Variants in BTRC observed in about 807,000 individuals in gnomAD.
BTRC encodes F-box/WD repeat-containing protein 1A.
BTRC carries 42 observed loss-of-function variants against 85.5 expected under a neutral mutation model. That is an observed-to-expected ratio of 0.49 (90% CI 0.38 to 0.64). The LOEUF is 0.64. Among genes scored for constraint, BTRC ranks in the 30% least tolerant of loss-of-function variants. The pLI, the probability that BTRC is intolerant of heterozygous loss-of-function variation, is 0.00. For missense variants in BTRC, 594 were observed against 743.5 expected (o/e 0.80, Z 2.34); for synonymous variants, 255 against 263.3 (o/e 0.97, Z 0.30).
At chr10:101,493,530 T>C (rs1331990494) in intron 4 of BTRC, among the ~76,000 whole-genome samples, 1 of 152,232 alleles carries the variant, frequency 6.6e-6, no homozygotes. Context: ...ACATAGAAAT[T>C]AGGGTAGATG....
intron 1 of BTRC, among the ~76,000 whole-genome samples, chr10:101,366,909 A>AAT (rs1942431886): frequency 5.2e-5 from 1 of 19,296 alleles, no homozygotes; most frequent in Non-Finnish European, 1.0e-4. Context: ...TATATATATT[A>AAT]ATATATATTT....
intron 2 of BTRC, among the ~76,000 whole-genome samples, chr10:101,441,712 A>G (rs934590459): frequency 1.3e-5 from 2 of 151,930 alleles, no homozygotes; most frequent in Non-Finnish European, 2.9e-5. Context: ...AAACCCAGTC[A>G]CTACTAAAAA....
At chr10:101,379,692 C>G (rs1200257590) in intron 1 of BTRC, among the ~76,000 whole-genome samples, 2 of 151,946 alleles carry the variant, frequency 1.3e-5, no homozygotes, top group Non-Finnish European at 2.9e-5. Context: ...TTTTTATGGC[C>G]TGTTACAGTC....
chr10:101,513,980 G>A (rs1228039064), intron 4 of BTRC, among the ~76,000 whole-genome samples: 2 of 152,190 alleles, frequency 1.3e-5, no homozygotes, highest in Non-Finnish European at 2.9e-5. Flanking sequence ...TAATAAGTGT[G>A]TCATAATGTC....
At chr10:101,437,770 AT>A (rs1422783993) in intron 2 of BTRC, among the ~76,000 whole-genome samples, 5 of 152,128 alleles carry the variant, frequency 3.3e-5, no homozygotes, top group Non-Finnish European at 7.4e-5. Context: ...GTCATTTCAA[AT>A]TTTGCAGTTC....
rs138661751 is a variant in BTRC at position 101,393,891 on chromosome 10, A to G, written c.49-36454A>G. Among the ~76,000 whole-genome samples the G allele has an allele frequency of 2.2e-3, 330 of 152,286 alleles. 1 individual carries two copies. Among genetic ancestry groups the G allele is most frequent in the Non-Finnish European group, 3.5e-3 (235 of 68,004 alleles). ...TTCTCATTTTCTCTCCAGATTTCAT[A>G]TATTGTGGAAAAGCAGTTGAATGAG... is the stretch of plus-strand genomic sequence containing the variant. On this transcript the variant is annotated intron_variant, in intron 1 of 14. Transcript: ENST00000370187.
intron 3 of BTRC, among the ~76,000 whole-genome samples, chr10:101,466,098 G>C (rs924088842): frequency 1.3e-5 from 2 of 152,144 alleles, no homozygotes; most frequent in Non-Finnish European, 2.9e-5. Flanking sequence ...GCATTACAAC[G>C]TTCAACTCTT....
rs1245165290 is a variant in BTRC at position 101,476,625 on chromosome 10, AT to A, written c.235-2728del. Among the ~76,000 whole-genome samples, 697 of 143,112 alleles carry A rather than the reference AT, an allele frequency of 4.9e-3. 1 individual carries two copies. The highest frequency in any genetic ancestry group is 0.02 in the Admixed American group (285 of 14,256). 93.9% of individuals were successfully genotyped at this position (143,112 alleles called of 152,430 possible). ...AGGCCTGTGCTGCCACGCCCAGTTA[AT>A]TTTTTTTTTTTTTTAAATAGAAATG... On this transcript the variant is annotated intron_variant, in intron 3 of 14. Coordinates refer to ENST00000370187, the MANE Select transcript of BTRC (RefSeq NM_033637.4).
chr10:101,468,914 A>G (rs1945449981), intron 3 of BTRC, among the ~76,000 whole-genome samples: 1 of 152,204 alleles, frequency 6.6e-6, no homozygotes, highest in South Asian at 2.1e-4. Flanking sequence ...ATCCTATGTC[A>G]TTGAATCCAT....
At chr10:101,524,941 CA>C (rs1229117022) in intron 5 of BTRC, among the ~76,000 whole-genome samples, 2 of 152,072 alleles carry the variant, frequency 1.3e-5, no homozygotes, top group African/African-American at 4.8e-5. Context: ...TGATATGATT[CA>C]GGGGAAAGGC....
At position 101,504,213 on chromosome 10, in the gene BTRC, A is replaced by G. The variant is rs558519022; in HGVS notation, c.325-17426A>G. On this transcript the variant is annotated intron_variant, in intron 4 of 14. Coordinates refer to ENST00000370187, the MANE Select transcript of BTRC (RefSeq NM_033637.4). ...AGAAAGAACAACCAGATTCCAGACA[A>G]TTAAACTTTATTACTCCGCCTGAAA... Among the ~76,000 whole-genome samples, 321 of 152,328 alleles carry G rather than the reference A, an allele frequency of 2.1e-3. 3 individuals are homozygous for G. Among genetic ancestry groups the G allele is most frequent in the African/African-American group, 7.2e-3 (299 of 41,554 alleles).
At chr10:101,529,619 G>T (rs894156178) in intron 6 of BTRC, among the ~76,000 whole-genome samples, 2 of 152,090 alleles carry the variant, frequency 1.3e-5, no homozygotes, top group Non-Finnish European at 2.9e-5. Flanking sequence ...GTTTATGCTG[G>T]TGTATCATGT....
In BTRC at chr10:101,366,254, T is replaced by C. The variant is rs527767900; in HGVS notation, c.48+12026T>C. ...AGAGGTCATGATAGTGTACCTGTAA[T>C]GTAATTTGATAAAAAATGTGAGCCT... On this transcript the variant is annotated intron_variant, in intron 1 of 14. Coordinates refer to ENST00000370187, the MANE Select transcript of BTRC (RefSeq NM_033637.4). 5.9e-5 allele frequency among the ~76,000 whole-genome samples: 9 copies of C among 152,008 alleles called. No individual in the cohort carries two copies. In the South Asian group the frequency reaches 1.7e-3, roughly 28 times the overall value.
At chr10:101,433,714 A>G (rs74152902) in intron 2 of BTRC, among the ~76,000 whole-genome samples, 1 of 152,204 alleles carries the variant, frequency 6.6e-6, no homozygotes, top group Admixed American at 6.5e-5. Context: ...TAAGTCACTG[A>G]AAGGATTTAA....
intron 1 of BTRC, among the ~76,000 whole-genome samples, chr10:101,382,856 G>A (rs1481536747): frequency 6.6e-6 from 1 of 151,844 alleles, no homozygotes; most frequent in Non-Finnish European, 1.5e-5. Flanking sequence ...CATTACATGG[G>A]CTTTATCCTC....
chr10:101,366,844 G>A (rs11190967), intron 1 of BTRC, among the ~76,000 whole-genome samples: 1,112 of 20,994 alleles, frequency 0.053, 54 homozygotes, highest in Non-Finnish European at 0.063. Context: ...ATATATTTAT[G>A]TATATTAATA....
chr10:101,468,107 G>A (rs1037597674), intron 3 of BTRC, among the ~76,000 whole-genome samples: 1 of 152,048 alleles, frequency 6.6e-6, no homozygotes, highest in Non-Finnish European at 1.5e-5. Context: ...TTTAATAACC[G>A]GCTTTCTTAA....
intron 1 of BTRC, among the ~76,000 whole-genome samples, chr10:101,418,139 G>A (rs1943996461): frequency 6.6e-6 from 1 of 152,170 alleles, no homozygotes; most frequent in Admixed American, 6.5e-5. Flanking sequence ...GGCCGAGGCA[G>A]GTGGGTCATT....
chr10:101,453,892 T>G (rs560568743), intron 2 of BTRC, among the ~76,000 whole-genome samples: 2 of 152,340 alleles, frequency 1.3e-5, no homozygotes, highest in East Asian at 3.9e-4. Flanking sequence ...GGAGATAGGA[T>G]CTTTCTTGTG....
Sources: allele counts gnomAD v4.1 joint callset (sites outside exome capture counted in the v4.1 genomes callset), GRCh38; gene constraint gnomAD v4.1.1; transcripts MANE v1.5; gene names NCBI Gene and HGNC (gene_info 2026-07-23, HGNC 2026-07-21).